ADORA2B: variants seen among roughly 807,000 people sequenced by gnomAD.
ADORA2B encodes adenosine receptor A2b.
ADORA2B carries 18 observed loss-of-function variants against 20.8 expected under a neutral mutation model. The observed-to-expected ratio is 0.87, with a 90% CI of 0.60 to 1.29. The LOEUF is 1.29. ADORA2B is among the 50% of genes most tolerant of loss of function. The pLI is 0.00. For missense variants in ADORA2B, 441 were observed against 422.7 expected (o/e 1.04, Z -0.38); for synonymous variants, 179 against 178.3 (o/e 1.00, Z -0.03).
At position 15,975,316 on chromosome 17, in the gene ADORA2B, C is replaced by T; in HGVS notation, c.973C>T (p.Gln325Ter). Residue 325 changes from glutamine (Q) to a stop codon, truncating the protein, a stop_gained, in exon 2 of 2, where the codon CAG becomes TAG. Transcript: ENST00000304222. LOFTEE classifies it high-confidence loss of function. Reference protein sequence around the residue: ...VKSGNGQAGVQPALGVGL With the variant: ...VKSGNGQAGV ...GAGTGGGAATGGTCAGGCTGGGGTA[C>T]AGCCTGCTCTCGGTGTGGGCCTATG... 2 of 1,612,758 alleles carry T rather than the reference C, an allele frequency of 1.2e-6. No individual in the cohort carries two copies. The highest frequency in any genetic ancestry group is 1.7e-6 in the Non-Finnish European group (2 of 1,179,966).
intron 1 of ADORA2B, among the ~76,000 whole-genome samples, chr17:15,946,167 G>A (rs1969803190): frequency 6.6e-6 from 1 of 152,234 alleles, no homozygotes; most frequent in Non-Finnish European, 1.5e-5. Flanking sequence ...CCATCCCAGG[G>A]GAAGGTGTCC....
Position 15,975,260 on chromosome 17 carries a change from C to T in ADORA2B, c.917C>T (p.Ser306Phe). ...DFRYTFHKII[S>F]RYLLCQADVK... ...CGCTACACTTTTCACAAAATTATCT[C>T]CAGGTATCTTCTCTGCCAAGCAGAT... Residue 306 changes from serine (S) to phenylalanine (F), a missense_variant, in exon 2 of 2, where the codon TCC (serine) becomes TTC (phenylalanine). Ser to Phe is a radical substitution (Grantham distance 155). Coordinates refer to ENST00000304222, the MANE Select transcript of ADORA2B (RefSeq NM_000676.4). 1 of 1,613,806 alleles carries T rather than the reference C, an allele frequency of 6.2e-7. No homozygotes were observed.
the ADORA2B span, among the ~76,000 whole-genome samples, chr17:15,897,422 T>C: frequency 1.3e-5 from 2 of 151,992 alleles, no homozygotes; most frequent in South Asian, 2.1e-4. Context: ...TTAAAAATTA[T>C]CCAAGTGTGA....
the ADORA2B span, among the ~76,000 whole-genome samples, chr17:15,906,508 A>G: frequency 1.8e-3 from 278 of 152,242 alleles, 2 homozygotes; most frequent in African/African-American, 6.3e-3. Flanking sequence ...TCAATTTGCT[A>G]TATTTGTTAA....
At chr17:15,880,792 C>T in the ADORA2B span, among the ~76,000 whole-genome samples, 1 of 152,192 alleles carries the variant, frequency 6.6e-6, no homozygotes, top group African/African-American at 2.4e-5. Context: ...CTAGCAGCGC[C>T]AGGGTTCCCC....
chr17:15,904,391 C>CT, the ADORA2B span, among the ~76,000 whole-genome samples: 2,793 of 126,394 alleles, frequency 0.022, 88 homozygotes, highest in African/African-American at 0.054. Context: ...TGTACTTCTG[C>CT]TTTTTTTTTT....
chr17:15,891,047 C>T, the ADORA2B span, among the ~76,000 whole-genome samples: 1 of 152,112 alleles, frequency 6.6e-6, no homozygotes, highest in African/African-American at 2.4e-5. Flanking sequence ...CAGGCAGATC[C>T]CCTGAGGTCA....
the ADORA2B span, among the ~76,000 whole-genome samples, chr17:15,871,713 C>CATTA: frequency 4.6e-5 from 7 of 152,136 alleles, no homozygotes; most frequent in South Asian, 2.1e-4. Context: ...GAGCTTCCCT[C>CATTA]ATTAATTAAT....
chr17:15,861,914 ATCT>A, the ADORA2B span, among the ~76,000 whole-genome samples: 1 of 152,050 alleles, frequency 6.6e-6, no homozygotes, highest in African/African-American at 2.4e-5. Flanking sequence ...CCTCATCCTG[ATCT>A]TCTAGATGCT....
chr17:15,857,658 A>T, the ADORA2B span, among the ~76,000 whole-genome samples: 1 of 151,836 alleles, frequency 6.6e-6, no homozygotes, highest in South Asian at 2.1e-4. Context: ...AGATTTGATG[A>T]CTGCCCCACT....
chr17:15,958,939 G>A (rs974460537), intron 1 of ADORA2B, among the ~76,000 whole-genome samples: 1 of 152,170 alleles, frequency 6.6e-6, no homozygotes, highest in African/African-American at 2.4e-5. Flanking sequence ...TCACTGGCTT[G>A]GCTTGTGACA....
the ADORA2B span, among the ~76,000 whole-genome samples, chr17:15,859,070 C>T: frequency 3.9e-5 from 6 of 152,280 alleles, no homozygotes; most frequent in Non-Finnish European, 5.9e-5. Context: ...GCAGTCCTCT[C>T]ACCTAAGCCT....
At chr17:15,970,080 T>G (rs1473601121) in intron 1 of ADORA2B, among the ~76,000 whole-genome samples, 1 of 152,242 alleles carries the variant, frequency 6.6e-6, no homozygotes, top group African/African-American at 2.4e-5. Context: ...TGCATCCAGT[T>G]CATTTTGGTA....
the ADORA2B span, among the ~76,000 whole-genome samples, chr17:15,917,720 G>A: frequency 6.6e-6 from 1 of 152,242 alleles, no homozygotes; most frequent in Non-Finnish European, 1.5e-5. Context: ...TCCTGCCCCT[G>A]CCTAGCCTGG....
the ADORA2B span, among the ~76,000 whole-genome samples, chr17:15,850,899 C>T: frequency 6.6e-6 from 1 of 152,158 alleles, no homozygotes; most frequent in African/African-American, 2.4e-5. Context: ...ATTTTGCTTG[C>T]TAACACATCT....
chr17:15,874,652 A>G, the ADORA2B span, among the ~76,000 whole-genome samples: 2 of 152,262 alleles, frequency 1.3e-5, no homozygotes, highest in East Asian at 3.9e-4. Context: ...TGATCGTGCT[A>G]CCCTACTCCA....
At chr17:15,854,860 G>C in the ADORA2B span, among the ~76,000 whole-genome samples, 32,244 of 151,368 alleles carry the variant, frequency 0.21, 3,956 homozygotes, top group Non-Finnish European at 0.28. Flanking sequence ...AATGAAAATA[G>C]CTAAAATCTA....
At chr17:15,901,692 C>T in the ADORA2B span, among the ~76,000 whole-genome samples, 2 of 152,044 alleles carry the variant, frequency 1.3e-5, no homozygotes, top group African/African-American at 2.4e-5. Flanking sequence ...GAGCCCATGC[C>T]CTCAACCATG....
At chr17:15,919,789 G>A in the ADORA2B span, among the ~76,000 whole-genome samples, 4 of 152,216 alleles carry the variant, frequency 2.6e-5, no homozygotes, top group Non-Finnish European at 4.4e-5. Context: ...GGAGGCTCCA[G>A]TGGCCAGCTG....
Sources: gnomAD v4.1 joint callset for allele counts (sites outside exome capture counted in the v4.1 genomes callset) on GRCh38, gnomAD v4.1.1 for gene constraint, MANE v1.5 for transcripts, NCBI Gene and HGNC (gene_info 2026-07-23, HGNC 2026-07-21) for gene names.